Variants in CDH12 observed in about 807,000 individuals in gnomAD.
CDH12 encodes cadherin-12.
CDH12 carries 41 observed loss-of-function variants against 74.1 expected under a neutral mutation model. That is an observed-to-expected ratio of 0.55 (90% CI 0.43 to 0.72). The LOEUF is 0.72. CDH12 is among the 30% of genes least tolerant of loss of function. The pLI, the probability that CDH12 is intolerant of heterozygous loss-of-function variation, is 0.00. For synonymous variants in CDH12, 399 were observed against 355.0 expected (o/e 1.12, Z -1.39); for missense variants, 945 against 977.2 (o/e 0.97, Z 0.44).
intron 11 of CDH12, among the ~76,000 whole-genome samples, chr5:21,770,006 C>T (rs767049127): frequency 3.3e-5 from 5 of 152,156 alleles, no homozygotes; most frequent in African/African-American, 4.8e-5. Context: ...TCTATGATAG[C>T]TATTAACTAA....
At chr5:22,493,860 T>C (rs1415657185) in intron 2 of CDH12, among the ~76,000 whole-genome samples, 1 of 152,112 alleles carries the variant, frequency 6.6e-6, no homozygotes, top group African/African-American at 2.4e-5. Flanking sequence ...TAGATACAGA[T>C]AACTAAACAG....
chr5:22,175,604 A>C (rs191908784), intron 4 of CDH12, among the ~76,000 whole-genome samples: 9 of 152,282 alleles, frequency 5.9e-5, no homozygotes, highest in Admixed American at 4.6e-4. Flanking sequence ...TAAAAAGAAT[A>C]GAAAATAAAA....
intron 1 of CDH12, among the ~76,000 whole-genome samples, chr5:22,733,461 A>G (rs1257584773): frequency 1.3e-5 from 2 of 150,058 alleles, no homozygotes; most frequent in Non-Finnish European, 3.0e-5. Context: ...TTAGTTTAGC[A>G]TATTCATTTT....
At chr5:22,714,360 G>T (rs758867016) in intron 1 of CDH12, among the ~76,000 whole-genome samples, 2 of 152,138 alleles carry the variant, frequency 1.3e-5, no homozygotes, top group Non-Finnish European at 2.9e-5. Flanking sequence ...AGGTGGATAT[G>T]ACCTAGGAAT....
intron 2 of CDH12, among the ~76,000 whole-genome samples, chr5:22,493,147 C>T (rs1018703106): frequency 3.9e-5 from 6 of 152,132 alleles, no homozygotes; most frequent in African/African-American, 1.4e-4. Context: ...CTCAGTTACT[C>T]GTATCTTGGC....
chr5:22,588,180 T>A (rs1314971818), intron 1 of CDH12, among the ~76,000 whole-genome samples: 2 of 151,904 alleles, frequency 1.3e-5, no homozygotes, highest in East Asian at 3.9e-4. Flanking sequence ...TAATTACAAT[T>A]AGTTGCCAAA....
intron 1 of CDH12, among the ~76,000 whole-genome samples, chr5:22,763,310 C>T (rs1361188044): frequency 6.6e-6 from 1 of 151,806 alleles, no homozygotes; most frequent in African/African-American, 2.4e-5. Context: ...TTTCCTTGTT[C>T]AGATAACAAA....
At chr5:22,507,829 A>G (rs376794453) in intron 1 of CDH12, among the ~76,000 whole-genome samples, 1 of 152,346 alleles carries the variant, frequency 6.6e-6, no homozygotes, top group East Asian at 1.9e-4. Flanking sequence ...GATGAAATCA[A>G]GGTGTCACGG....
At chr5:22,701,264 C>T (rs945559786) in intron 1 of CDH12, among the ~76,000 whole-genome samples, 5 of 152,090 alleles carry the variant, frequency 3.3e-5, no homozygotes. Flanking sequence ...CCCATATCAG[C>T]AAATTGCACC....
intron 8 of CDH12, among the ~76,000 whole-genome samples, chr5:21,833,004 A>T (rs1157531098): frequency 2.7e-5 from 2 of 73,714 alleles, no homozygotes; most frequent in Non-Finnish European, 4.4e-5. Context: ...TTAATATATT[A>T]TATATAATAT....
intron 2 of CDH12, among the ~76,000 whole-genome samples, chr5:22,452,352 A>C (rs779100403): frequency 2.0e-5 from 3 of 151,872 alleles, no homozygotes; most frequent in Non-Finnish European, 4.4e-5. Flanking sequence ...AAAACAGCAT[A>C]ATCCTAGCAT....
rs1219789113 is a variant in CDH12 at position 22,543,529 on chromosome 5, T to G, written c.-522-38165A>C. ...TTAATATCGATTGTTGATTCTAATA[T>G]TAAACCACCAAAAGGAAAATAAAGT... On this transcript the variant is annotated intron_variant, in intron 1 of 14. Coordinates refer to ENST00000382254, the MANE Select transcript of CDH12 (RefSeq NM_004061.5). Among the ~76,000 whole-genome samples, 3 of 152,078 alleles carry G rather than the reference T, an allele frequency of 2.0e-5. No homozygotes were observed. The South Asian group carries it at 6.2e-4, about 31-fold the overall frequency.
At chr5:22,100,367 G>GT (rs1744067081) in intron 4 of CDH12, among the ~76,000 whole-genome samples, 1 of 152,084 alleles carries the variant, frequency 6.6e-6, no homozygotes, top group African/African-American at 2.4e-5. Context: ...TAGAAAAATA[G>GT]TAAGAGGTGA....
chr5:22,819,998 TATATAC>T (rs1002007612), intron 1 of CDH12, among the ~76,000 whole-genome samples: 6 of 147,340 alleles, frequency 4.1e-5, no homozygotes, highest in Admixed American at 6.9e-5. Flanking sequence ...CATATACATA[TATATAC>T]ATATACATAT....
intron 2 of CDH12, among the ~76,000 whole-genome samples, chr5:22,472,917 T>C (rs1237601720): frequency 6.6e-6 from 1 of 152,148 alleles, no homozygotes; most frequent in Non-Finnish European, 1.5e-5. Flanking sequence ...CTTTGCTCAA[T>C]GGCCTTCAAT....
intron 1 of CDH12, among the ~76,000 whole-genome samples, chr5:22,818,854 T>C (rs1749523704): frequency 6.6e-6 from 1 of 152,144 alleles, no homozygotes; most frequent in South Asian, 2.1e-4. Flanking sequence ...TTATTTAGTT[T>C]CAGTAGTTAT....
At chr5:21,786,955 G>A (rs1244213666) in intron 10 of CDH12, among the ~76,000 whole-genome samples, 2 of 152,176 alleles carry the variant, frequency 1.3e-5, no homozygotes, top group Admixed American at 1.3e-4. Context: ...AAAGCCCTAA[G>A]ATGGGCCTGA....
At chr5:22,035,280 G>A (rs1222537856) in intron 5 of CDH12, among the ~76,000 whole-genome samples, 1 of 152,066 alleles carries the variant, frequency 6.6e-6, no homozygotes, top group Non-Finnish European at 1.5e-5. Context: ...GCAGGATAAA[G>A]TAGAAAGGCT....
rs1412348373 is a variant in CDH12 at position 21,813,777 on chromosome 5, C to G, written c.1002+3168G>C. 2.6e-5 allele frequency among the ~76,000 whole-genome samples: 4 copies of G among 152,164 alleles called. No homozygotes were observed. The East Asian group carries it at 5.8e-4, about 22-fold the overall frequency. ...GTCAGGTTTTTGCTCATATTCCCTTCTAATACAGAAGTCTTTTTTTATTTT... is the reference window on the plus strand; with the variant it reads ...GTCAGGTTTTTGCTCATATTCCCTTGTAATACAGAAGTCTTTTTTTATTTT... On this transcript the variant is annotated intron_variant, in intron 9 of 14. Transcript: ENST00000382254.
Sources: gnomAD v4.1 joint callset for allele counts (sites outside exome capture counted in the v4.1 genomes callset) on GRCh38, gnomAD v4.1.1 for gene constraint, MANE v1.5 for transcripts, NCBI Gene and HGNC (gene_info 2026-07-23, HGNC 2026-07-21) for gene names.